The following RBFOX1 variants were observed in gnomAD, a reference collection of about 807,000 sequenced individuals.
RBFOX1 encodes RNA binding protein fox-1 homolog 1.
Under a neutral mutation model 57.7 loss-of-function variants are expected in RBFOX1, and 8 were observed. The observed-to-expected ratio is 0.14, with a 90% CI of 0.08 to 0.25. The LOEUF is 0.25. Ranked by LOEUF, RBFOX1 falls within the 10% of genes least tolerant of loss-of-function variation. The pLI, the probability that RBFOX1 is intolerant of heterozygous loss-of-function variation, is 1.00. For synonymous variants in RBFOX1, 326 were observed against 222.4 expected (o/e 1.47, Z -4.15); for missense variants, 611 against 548.5 (o/e 1.11, Z -1.14).
chr16:6,918,663 C>T (rs1024553975), intron 3 of RBFOX1, among the ~76,000 whole-genome samples: 1 of 152,122 alleles, frequency 6.6e-6, no homozygotes, highest in Non-Finnish European at 1.5e-5. Flanking sequence ...ACTGAGTGTC[C>T]TACCCAATGG....
intron 1 of RBFOX1, among the ~76,000 whole-genome samples, chr16:6,119,269 C>G (rs1203650915): frequency 1.3e-5 from 2 of 151,904 alleles, no homozygotes; most frequent in Non-Finnish European, 2.9e-5. Context: ...GGGGATATTT[C>G]TCAGCTCAGA....
chr16:6,807,767 G>A (rs992913542), intron 3 of RBFOX1, among the ~76,000 whole-genome samples: 1 of 152,018 alleles, frequency 6.6e-6, no homozygotes, highest in Non-Finnish European at 1.5e-5. Flanking sequence ...AGTGAGCTAA[G>A]ATTGTGTCAC....
intron 4 of RBFOX1, among the ~76,000 whole-genome samples, chr16:7,315,808 G>T (rs956279787): frequency 6.6e-6 from 1 of 152,132 alleles, no homozygotes; most frequent in South Asian, 2.1e-4. Flanking sequence ...TTGAATTCGT[G>T]AGTGTCTCAT....
chr16:6,404,203 A>T (rs183074170), intron 2 of RBFOX1, among the ~76,000 whole-genome samples: 126 of 152,342 alleles, frequency 8.3e-4, no homozygotes, highest in African/African-American at 2.9e-3. Flanking sequence ...ACAATACAGT[A>T]TAAAAATTTA....
chr16:6,681,671 G>GAAA (rs34916559), intron 3 of RBFOX1, among the ~76,000 whole-genome samples: 2 of 145,516 alleles, frequency 1.4e-5, no homozygotes, highest in African/African-American at 2.6e-5. Context: ...CATTTAACCA[G>GAAA]AAAAAAAAAA....
chr16:5,905,908 A>G (rs1037146221), intron 4 of RBFOX1, among the ~76,000 whole-genome samples: 1 of 152,102 alleles, frequency 6.6e-6, no homozygotes, highest in Non-Finnish European at 1.5e-5. Flanking sequence ...CTTTTTCCCG[A>G]CGATGGAGGA....
At chr16:5,809,809 G>C (rs1441663143) in intron 3 of RBFOX1, among the ~76,000 whole-genome samples, 1 of 152,104 alleles carries the variant, frequency 6.6e-6, no homozygotes, top group Non-Finnish European at 1.5e-5. Flanking sequence ...ATTTGACCCA[G>C]CCATCCCATT....
At chr16:6,475,785 C>T (rs567050324) in intron 2 of RBFOX1, among the ~76,000 whole-genome samples, 7 of 152,096 alleles carry the variant, frequency 4.6e-5, no homozygotes, top group Non-Finnish European at 8.8e-5. Flanking sequence ...AAAATATTTT[C>T]AAACTGGTAA....
intron 3 of RBFOX1, among the ~76,000 whole-genome samples, chr16:6,713,454 T>C (rs754931): frequency 0.096 from 14,592 of 152,020 alleles, 1,031 homozygotes; most frequent in African/African-American, 0.2. Flanking sequence ...AGCTGAATAA[T>C]GCTGTGCTGT....
In RBFOX1 at chr16:7,556,148, T is replaced by C. The variant is rs545730762; in HGVS notation, c.271-23629T>C. 3.3e-5 allele frequency among the ~76,000 whole-genome samples: 5 copies of C among 152,336 alleles called. No individual in the cohort carries two copies. In the East Asian group the frequency reaches 7.7e-4, roughly 23 times the overall value. ...TCTAGATCTTGTGGCATCTTCATGA[T>C]AGCTTAAAATTTGAGTATCATGACC... is the stretch of plus-strand genomic sequence containing the variant. On this transcript the variant is annotated intron_variant, in intron 5 of 15. Transcript: ENST00000550418.
intron 4 of RBFOX1, among the ~76,000 whole-genome samples, chr16:6,007,202 C>T (rs925679339): frequency 6.6e-6 from 1 of 152,116 alleles, no homozygotes; most frequent in African/African-American, 2.4e-5. Context: ...TGATTCACTT[C>T]CCATAAGTGG....
At position 6,055,636 on chromosome 16, in the gene RBFOX1, C is replaced by G. The variant is rs369249117; in HGVS notation, c.-127+35644C>G. 2.2e-4 allele frequency among the ~76,000 whole-genome samples: 32 copies of G among 145,578 alleles called. No homozygotes were observed. In the East Asian group the frequency reaches 6.2e-3, roughly 28 times the overall value. ...AAAAGGACGACGAATTGGACAGGCA[C>G]AGTTCCTACTCTCATGGAAGTTTGC... On this transcript the variant is annotated intron_variant, in intron 1 of 15. Coordinates refer to ENST00000550418, the MANE Select transcript of RBFOX1 (RefSeq NM_018723.4).
At chr16:5,785,067 A>G (rs1215542083) in intron 3 of RBFOX1, among the ~76,000 whole-genome samples, 1 of 152,200 alleles carries the variant, frequency 6.6e-6, no homozygotes, top group Non-Finnish European at 1.5e-5. Flanking sequence ...TGTTGTGTAG[A>G]TAGTGGTGTC....
intron 1 of RBFOX1, among the ~76,000 whole-genome samples, chr16:6,233,229 C>T (rs1006681100): frequency 6.6e-6 from 1 of 152,194 alleles, no homozygotes. Context: ...CAGAGAGGCC[C>T]CTTTAGCTGC....
chr16:7,159,541 G>A (rs2077849402), intron 4 of RBFOX1, among the ~76,000 whole-genome samples: 2 of 152,182 alleles, frequency 1.3e-5, no homozygotes, highest in Admixed American at 1.3e-4. Context: ...AGCTTCCATG[G>A]CAGAAGGCAG....
chr16:5,489,262 T>G (rs2042746817), intron 2 of RBFOX1, among the ~76,000 whole-genome samples: 1 of 152,260 alleles, frequency 6.6e-6, no homozygotes, highest in Non-Finnish European at 1.5e-5. Flanking sequence ...ACCCTGTGCT[T>G]ACACATGAAG....
chr16:6,952,379 G>T (rs774171680), intron 3 of RBFOX1, among the ~76,000 whole-genome samples: 7 of 152,156 alleles, frequency 4.6e-5, no homozygotes, highest in Admixed American at 6.5e-5. Context: ...GGGCATGGTG[G>T]TTCACACCTG....
Position 7,575,855 on chromosome 16 carries a change from G to T in RBFOX1, c.271-3922G>T, listed in dbSNP as rs145408012. 4.1e-4 allele frequency among the ~76,000 whole-genome samples: 63 copies of T among 152,284 alleles called. 1 individual carries two copies. Among genetic ancestry groups the T allele is most frequent in the African/African-American group, 1.5e-3 (62 of 41,566 alleles). ...GATCTCTAACCCCAACATGCGTTAG[G>T]CTCTGAGGTAGCTGCTCTGTCATCT... On this transcript the variant is annotated intron_variant, in intron 5 of 15. Coordinates refer to ENST00000550418, the MANE Select transcript of RBFOX1 (RefSeq NM_018723.4).
At chr16:6,948,231 A>G (rs567410683) in intron 3 of RBFOX1, among the ~76,000 whole-genome samples, 57 of 152,216 alleles carry the variant, frequency 3.7e-4, no homozygotes, top group Middle Eastern at 6.8e-3. Context: ...GAGGCATTCA[A>G]GACCAGCCTG....
Sources: allele counts gnomAD v4.1 joint callset (sites outside exome capture counted in the v4.1 genomes callset), GRCh38; gene constraint gnomAD v4.1.1; transcripts MANE v1.5; gene names NCBI Gene and HGNC (gene_info 2026-07-23, HGNC 2026-07-21).